NRXN3: variants seen among roughly 807,000 people sequenced by gnomAD.
NRXN3 encodes neurexin 3.
Under a neutral mutation model 137.6 loss-of-function variants are expected in NRXN3, and 32 were observed. That is an observed-to-expected ratio of 0.23 (90% CI 0.18 to 0.31). The LOEUF is 0.31. NRXN3 is among the 10% of genes least tolerant of loss of function. The pLI is 1.00. For synonymous variants in NRXN3, 798 were observed against 784.5 expected (o/e 1.02, Z -0.29); for missense variants, 1,574 against 2,062.5 (o/e 0.76, Z 4.59).
chr14:78,794,804 G>A (rs191665891), intron 8 of NRXN3, among the ~76,000 whole-genome samples: 126 of 152,194 alleles, frequency 8.3e-4, no homozygotes, highest in African/African-American at 2.8e-3. Context: ...GCTAGATGCA[G>A]TGGCTCACAT....
At chr14:78,576,848 T>C (rs767399382) in intron 4 of NRXN3, among the ~76,000 whole-genome samples, 22 of 152,186 alleles carry the variant, frequency 1.4e-4, no homozygotes, top group Non-Finnish European at 7.3e-5. Context: ...TCAAGGCTTA[T>C]GATAGATGTT....
chr14:78,638,705 A>G (rs1386534667), intron 4 of NRXN3, among the ~76,000 whole-genome samples: 3 of 152,164 alleles, frequency 2.0e-5, no homozygotes, highest in Non-Finnish European at 2.9e-5. Flanking sequence ...TGTTCAGTAT[A>G]TTGGATTCTT....
chr14:78,407,511 G>T (rs2092562172), intron 4 of NRXN3, among the ~76,000 whole-genome samples: 1 of 152,124 alleles, frequency 6.6e-6, no homozygotes, highest in Non-Finnish European at 1.5e-5. Flanking sequence ...GAATTTAGCA[G>T]GTGCAAAGGG....
At chr14:79,382,313 C>G (rs535182382) in intron 15 of NRXN3, among the ~76,000 whole-genome samples, 1 of 152,116 alleles carries the variant, frequency 6.6e-6, no homozygotes, top group Non-Finnish European at 1.5e-5. Flanking sequence ...TACAAAGATA[C>G]CTTGCAAGAA....
chr14:78,952,598 G>T (rs771829591), intron 10 of NRXN3, among the ~76,000 whole-genome samples: 1 of 152,052 alleles, frequency 6.6e-6, no homozygotes, highest in Admixed American at 6.6e-5. Flanking sequence ...CATATCTTTG[G>T]TTTCCTTCAA....
intron 16 of NRXN3, among the ~76,000 whole-genome samples, chr14:79,619,524 C>T (rs1032003958): frequency 6.6e-6 from 1 of 151,930 alleles, no homozygotes; most frequent in African/African-American, 2.4e-5. Flanking sequence ...CCCAAAACTA[C>T]CCAAAGGAAT....
chr14:78,850,558 A>G (rs77120516), intron 10 of NRXN3, among the ~76,000 whole-genome samples: 1 of 152,138 alleles, frequency 6.6e-6, no homozygotes, highest in Non-Finnish European at 1.5e-5. Flanking sequence ...GAATATTCTT[A>G]TTAAAACCAG....
At chr14:78,514,419 C>G (rs778546361) in intron 4 of NRXN3, among the ~76,000 whole-genome samples, 8 of 152,014 alleles carry the variant, frequency 5.3e-5, no homozygotes, top group Non-Finnish European at 1.2e-4. Flanking sequence ...TGCAAGGAGT[C>G]TTGGGTGGAA....
intron 15 of NRXN3, among the ~76,000 whole-genome samples, chr14:79,388,649 T>G (rs1043644494): frequency 3.9e-5 from 6 of 152,046 alleles, no homozygotes; most frequent in African/African-American, 1.4e-4. Flanking sequence ...ATCCAGGGAC[T>G]CCAGTTCATC....
intron 15 of NRXN3, among the ~76,000 whole-genome samples, chr14:79,178,434 G>A (rs535272389): frequency 6.6e-6 from 1 of 151,930 alleles, no homozygotes; most frequent in African/African-American, 2.4e-5. Context: ...CTCTGTTATT[G>A]TTAACCACCT....
At chr14:79,691,147 C>T (rs965611816) in intron 17 of NRXN3, among the ~76,000 whole-genome samples, 1 of 152,034 alleles carries the variant, frequency 6.6e-6, no homozygotes, top group Admixed American at 6.6e-5. Context: ...GCACCACTCT[C>T]CAAGTCTGTC....
At chr14:78,864,410 T>C (rs1158791274) in intron 10 of NRXN3, among the ~76,000 whole-genome samples, 1 of 152,172 alleles carries the variant, frequency 6.6e-6, no homozygotes, top group Non-Finnish European at 1.5e-5. Flanking sequence ...CAGAATTATA[T>C]GAGATAATGC....
At chr14:79,484,888 A>G (rs1222168060) in intron 16 of NRXN3, among the ~76,000 whole-genome samples, 1 of 152,178 alleles carries the variant, frequency 6.6e-6, no homozygotes, top group African/African-American at 2.4e-5. Flanking sequence ...ATAGCATAAC[A>G]CATTGAATGA....
At chr14:78,407,381 G>T (rs1476838315) in intron 4 of NRXN3, among the ~76,000 whole-genome samples, 1 of 152,084 alleles carries the variant, frequency 6.6e-6, no homozygotes, top group Non-Finnish European at 1.5e-5. Flanking sequence ...TTTTGTTGTT[G>T]TTGTTTTTTC....
intron 15 of NRXN3, among the ~76,000 whole-genome samples, chr14:79,180,005 A>C (rs1017805280): frequency 6.6e-6 from 1 of 152,188 alleles, no homozygotes; most frequent in Admixed American, 6.5e-5. Context: ...CAAATAGTAC[A>C]ATCCATGTTT....
intron 15 of NRXN3, among the ~76,000 whole-genome samples, chr14:79,366,657 C>T (rs2093905133): frequency 6.6e-6 from 1 of 152,180 alleles, no homozygotes; most frequent in Non-Finnish European, 1.5e-5. Context: ...TTTACAGTAG[C>T]TTGCTGCTCT....
At chr14:78,530,644 T>C (rs2096448264) in intron 4 of NRXN3, among the ~76,000 whole-genome samples, 1 of 152,192 alleles carries the variant, frequency 6.6e-6, no homozygotes, top group Non-Finnish European at 1.5e-5. Flanking sequence ...TCATGGAGCA[T>C]TGGTTTTAGG....
At chr14:79,742,571 G>A (rs1014555878) in intron 19 of NRXN3, among the ~76,000 whole-genome samples, 6 of 152,254 alleles carry the variant, frequency 3.9e-5, no homozygotes, top group African/African-American at 1.4e-4. Flanking sequence ...GTTGGGCCAT[G>A]TTTTTAAAAT....
intron 15 of NRXN3, among the ~76,000 whole-genome samples, chr14:79,208,797 A>G (rs553477078): frequency 1.4e-4 from 21 of 152,336 alleles, no homozygotes; most frequent in African/African-American, 4.6e-4. Context: ...ATATCCTTAG[A>G]ATCAATTTTC....
Sources: gnomAD v4.1 joint callset for allele counts (sites outside exome capture counted in the v4.1 genomes callset) on GRCh38, gnomAD v4.1.1 for gene constraint, MANE v1.5 for transcripts, NCBI Gene and HGNC (gene_info 2026-07-23, HGNC 2026-07-21) for gene names.